MAP4K1: variants seen among roughly 807,000 people sequenced by gnomAD.
The protein encoded by MAP4K1 is mitogen-activated protein kinase kinase kinase kinase 1.
Under a neutral mutation model 122.8 loss-of-function variants are expected in MAP4K1, and 35 were observed. The ratio of observed to expected loss-of-function variants is 0.29; its 90% CI spans 0.22 to 0.38. The LOEUF (loss-of-function observed/expected upper bound fraction) is 0.38, where lower values mean the gene tolerates loss of function less well. Ranked by LOEUF, MAP4K1 falls within the 10% of genes least tolerant of loss-of-function variation. The pLI, the probability that MAP4K1 is intolerant of heterozygous loss-of-function variation, is 1.00. For synonymous variants in MAP4K1, 412 were observed against 421.3 expected (o/e 0.98, Z 0.27); for missense variants, 791 against 1,072.6 (o/e 0.74, Z 3.67).
At chr19:38,591,097 G>A (rs1336856530) in intron 30 of MAP4K1, among the ~76,000 whole-genome samples, 2 of 152,058 alleles carry the variant, frequency 1.3e-5, no homozygotes, top group African/African-American at 2.4e-5. Flanking sequence ...GGCTGAGGCA[G>A]GAGGAGTGCT....
chr19:38,608,817 A>C (rs948452924), intron 13 of MAP4K1, among the ~76,000 whole-genome samples: 26 of 148,866 alleles, frequency 1.7e-4, no homozygotes, highest in African/African-American at 5.7e-4. Context: ...AAAAAAAAAA[A>C]AAAAAAAAAA....
intron 16 of MAP4K1, among the ~76,000 whole-genome samples, chr19:38,606,834 T>C (rs1336520027): frequency 6.6e-6 from 1 of 152,154 alleles, no homozygotes; most frequent in Admixed American, 6.5e-5. Flanking sequence ...GTGGCCCTGC[T>C]CTCCCTGTGC....
At chr19:38,606,409 C>A (rs1975331124) in intron 16 of MAP4K1, among the ~76,000 whole-genome samples, 194 bp from the exon 17 acceptor site, 1 of 152,168 alleles carries the variant, frequency 6.6e-6, no homozygotes, top group Admixed American at 6.5e-5. Context: ...CCTGTAATCG[C>A]AGTGCTTTGG....
intron 26 of MAP4K1, 42 bp downstream of exon 26, chr19:38,596,270 A>G (rs1974875603): frequency 6.7e-7 from 1 of 1,502,680 alleles, no homozygotes; most frequent in Non-Finnish European, 8.9e-7. Context: ...GCCCCTCCGG[A>G]TCTGATAAGC....
chr19:38,611,024 T>C (rs1377863242), intron 11 of MAP4K1, 27 bp downstream of exon 11: 1 of 1,588,720 alleles, frequency 6.3e-7, no homozygotes, highest in African/African-American at 1.3e-5. Context: ...AATCCTAGGC[T>C]GAGGATCTTG....
At chr19:38,616,312 G>A in intron 3 of MAP4K1, 53 bp from the exon 4 acceptor site, 10 of 1,432,494 alleles carry the variant, frequency 7.0e-6, no homozygotes, top group Non-Finnish European at 9.7e-6. Context: ...ATTATTATTT[G>A]CAGGAAAGCC....
In MAP4K1 at chr19:38,605,579, G is replaced by C. The variant is rs746894970; in HGVS notation, c.1352C>G (p.Thr451Ser). The C allele has an allele frequency of 7.1e-6, 11 of 1,542,722 alleles. No homozygotes were observed. The highest frequency in any genetic ancestry group is 2.2e-5 in the Admixed American group (1 of 45,540). ...GCCTGTCCCATTACCTGAATGGGCG[G>C]TGAGGTGGGGGCTGCTGGTGGATGG... Reference protein sequence around the residue: ...PPPSTSSPHLTAHSEPSLWNP... With the variant: ...PPPSTSSPHLSAHSEPSLWNP... Residue 451 changes from threonine to serine, a missense_variant, in exon 18 of 31, where the codon ACC becomes AGC. Transcript: ENST00000396857.
Position 38,609,989 on chromosome 19 carries a change from G to C in MAP4K1, c.847C>G (p.Leu283Val), listed in dbSNP as rs777714523. 3 of 1,614,090 alleles carry C rather than the reference G, an allele frequency of 1.9e-6. No individual in the cohort carries two copies. In the African/African-American group the frequency reaches 4.0e-5, roughly 22 times the overall value. The change falls in exon 12 of 31, where the codon CTG (leucine) becomes GTG (valine). Residue 283 changes from leucine to valine, a missense_variant. This residue lies in a region of MAP4K1 where 303 missense variants were observed against 344.8 expected (regional missense o/e 0.88). Transcript: ENST00000396857. ...LVSQPGLNRG[L>V]ILDLLDKLKN... ...AGTTTGTCAAGAAGATCCAGGATCA[G>C]GCCTCGATTCAGCCCAGGCTGGGAT...
At chr19:38,596,558 C>G in intron 25 of MAP4K1, 72 bp from the exon 26 acceptor site, 1 of 1,289,986 alleles carries the variant, frequency 7.8e-7, no homozygotes, top group South Asian at 1.5e-5. Flanking sequence ...TGGCTTGTAG[C>G]TGGCCTGGGA....
At chr19:38,610,091 G>T in intron 11 of MAP4K1, 66 bp from the exon 12 acceptor site, 2 of 1,158,598 alleles carry the variant, frequency 1.7e-6, no homozygotes, top group Non-Finnish European at 2.6e-6. Flanking sequence ...GGTGTGGACA[G>T]AGAGGACTGG....
At chr19:38,612,923 G>A (rs966267736) in intron 8 of MAP4K1, among the ~76,000 whole-genome samples, 181 bp from the exon 9 acceptor site, 3 of 152,180 alleles carry the variant, frequency 2.0e-5, no homozygotes, top group Non-Finnish European at 4.4e-5. Flanking sequence ...GGGGCGCGAT[G>A]GCTCACGCCT....
At chr19:38,590,394 AATATATATATATATAT>A (rs1163055879) in intron 30 of MAP4K1, among the ~76,000 whole-genome samples, 182 of 17,208 alleles carry the variant, frequency 0.011, 3 homozygotes, top group African/African-American at 0.02. Flanking sequence ...AAAAAAAAAA[AATATATATATATATAT>A]ATATATATAT....
In MAP4K1 at chr19:38,611,281, A is replaced by G. The variant is rs747864848; in HGVS notation, c.690T>C (p.Ser230=). ...CCTTCAGTCGGGGAGGCTGGTAGCCACTCTTGGTCATGAGGAAGAGAACTC... is the reference window on the plus strand; with the variant it reads ...CCTTCAGTCGGGGAGGCTGGTAGCCGCTCTTGGTCATGAGGAAGAGAACTC... The part of the protein sequence containing the change: ...PLRVLFLMTK[S]GYQPPRLKEK... Residue 230 remains serine, a synonymous_variant, in exon 10 of 31, where the codon AGT becomes AGC. Transcript: ENST00000396857. 14 of 1,613,400 alleles carry G rather than the reference A, an allele frequency of 8.7e-6. No homozygotes were observed. In the Admixed American group the frequency reaches 2.3e-4, roughly 27 times the overall value.
At chr19:38,590,412 T>TATATAC (rs1974690081) in intron 30 of MAP4K1, among the ~76,000 whole-genome samples, 2 of 74,244 alleles carry the variant, frequency 2.7e-5, no homozygotes, top group Non-Finnish European at 5.2e-5. Context: ...TATATATATA[T>TATATAC]ATATATATAT....
chr19:38,592,714 C>T (rs1268704359), intron 30 of MAP4K1, among the ~76,000 whole-genome samples: 1 of 151,544 alleles, frequency 6.6e-6, no homozygotes, highest in Non-Finnish European at 1.5e-5. Context: ...GTCAGGAGTT[C>T]GAGACCAGCC....
rs1056312128 is a variant in MAP4K1 at position 38,617,925 on chromosome 19, A to C, written c.-30T>G. On this transcript the variant is annotated 5_prime_UTR_variant, in exon 1 of 31. Transcript: ENST00000396857. This position sits in a 1 kb window ranked among gnomAD's most constrained non-coding sequence, Gnocchi z 4.1. ...GGGGGCCTGAGCTGGGCCTGCGCCC[A>C]GGGGCCAGCAGGGCCTCAGGGCTCA... The C allele has an allele frequency of 6.3e-7, 1 of 1,578,876 alleles. No individual in the cohort carries two copies. The highest frequency in any genetic ancestry group is 8.7e-7 in the Non-Finnish European group (1 of 1,148,200).
chr19:38,605,850 C>T (rs923629178), intron 17 of MAP4K1, 120 bp from the exon 18 acceptor site: 2 of 954,482 alleles, frequency 2.1e-6, no homozygotes, highest in Non-Finnish European at 3.1e-6. Flanking sequence ...ACCCACCCCC[C>T]CGACAACATC....
intron 19 of MAP4K1, 60 bp downstream of exon 19, chr19:38,605,349 C>T: frequency 7.7e-7 from 1 of 1,298,010 alleles, no homozygotes; most frequent in Non-Finnish European, 1.1e-6. Flanking sequence ...CCCTCCCCAC[C>T]CCACCAGGCA....
At position 38,617,856 on chromosome 19, in the gene MAP4K1, G is replaced by T; in HGVS notation, c.40C>A (p.Arg14=). ...CGCTGTAGCAGGTCATAGTGGTCCC[G>T]GGGGTCTCTATTGAAAATGTCAGGG... ...VDPDIFNRDP[R]DHYDLLQRLG... Residue 14 remains arginine (R), a synonymous_variant, in exon 1 of 31, where the codon CGG becomes AGG. Transcript: ENST00000396857. This position sits in a 1 kb window ranked among gnomAD's most constrained non-coding sequence, Gnocchi z 4.1. 1 of 1,614,154 alleles carries T rather than the reference G, an allele frequency of 6.2e-7. No individual in the cohort carries two copies. The highest frequency in any genetic ancestry group is 8.5e-7 in the Non-Finnish European group (1 of 1,180,010).
Sources: allele counts gnomAD v4.1 joint callset (sites outside exome capture counted in the v4.1 genomes callset), GRCh38; gene constraint gnomAD v4.1.1; regional missense constraint gnomAD v4.1.1; non-coding constraint Gnocchi (gnomAD v3.1); transcripts MANE v1.5; gene names NCBI Gene and HGNC (gene_info 2026-07-23, HGNC 2026-07-21).